Variants in MYO5A observed in about 807,000 individuals in gnomAD.
MYO5A encodes unconventional myosin-Va.
In MYO5A, 98 loss-of-function variants were observed where a neutral mutation model predicts 249.7. The observed-to-expected ratio is 0.39, with a 90% CI of 0.33 to 0.46. The LOEUF is 0.46. MYO5A is among the 20% of genes least tolerant of loss of function. The pLI, the probability that MYO5A is intolerant of heterozygous loss-of-function variation, is 0.98. For synonymous variants in MYO5A, 778 were observed against 810.6 expected, an observed-to-expected ratio of 0.96 and a Z score of 0.68; for missense variants, 1,696 against 2,308.8, an observed-to-expected ratio of 0.73 and a Z score of 5.44.
chr15:52,413,965 C>T (rs1043733921), intron 5 of MYO5A, among the ~76,000 whole-genome samples: 8 of 152,134 alleles, frequency 5.3e-5, no homozygotes, highest in Non-Finnish European at 1.0e-4. Flanking sequence ...TTGGATATAA[C>T]GTGTCCCCAC....
intron 1 of MYO5A, among the ~76,000 whole-genome samples, chr15:52,437,199 AC>A (rs1436950154): frequency 6.6e-6 from 1 of 152,222 alleles, no homozygotes; most frequent in East Asian, 1.9e-4. Flanking sequence ...ATTTCTATGT[AC>A]TAACTGCTCC....
intron 25 of MYO5A, 143 bp downstream of exon 25, chr15:52,359,825 T>C (rs1367576180): frequency 1.5e-6 from 1 of 676,576 alleles, no homozygotes; most frequent in Non-Finnish European, 2.7e-6. Flanking sequence ...TAAGTTTGTA[T>C]CTACAAGTCA....
chr15:52,392,053 C>T lies in MYO5A; in HGVS notation c.1419G>A (p.Glu473=), dbSNP rs1434730546. ...TTTGTTCCTTCATATATTCTTCTTGCTCCAATTTGAAGACATGCTGAAATG... is the reference window on the plus strand; with the variant it reads ...TTTGTTCCTTCATATATTCTTCTTGTTCCAATTTGAAGACATGCTGAAATG... ...QQFNMHVFKL[E]QEEYMKEQIP... The change falls in exon 12 of 42, where the codon GAG becomes GAA. Residue 473 remains glutamate, a synonymous_variant. Transcript: ENST00000399233. 6.2e-7 allele frequency: 1 copy of T among 1,611,328 alleles called. No homozygotes were observed. The highest frequency in any genetic ancestry group is 1.7e-5 in the Admixed American group (1 of 59,982).
At position 52,383,137 on chromosome 15, in the gene MYO5A, G is replaced by A. The variant is rs369831881; in HGVS notation, c.1966C>T (p.His656Tyr). The A allele has an allele frequency of 2.8e-5, 45 of 1,613,978 alleles. No homozygotes were observed. Among genetic ancestry groups the A allele is most frequent in the Non-Finnish European group, 3.4e-5 (40 of 1,179,956 alleles). ...TTAGGCTTGATACAGCGCACATAGT[G>A]AGGGGTAGTGGCATTGAGTGTCTCC... is the stretch of plus-strand genomic sequence containing the variant. ...LMETLNATTP[H>Y]YVRCIKPNDF... The change falls in exon 16 of 42, where the codon CAC (histidine) becomes TAC (tyrosine). Residue 656 changes from histidine (H) to tyrosine (Y), a missense_variant. Physicochemically the swap from His to Tyr is moderately conservative, Grantham distance 83. Coordinates refer to ENST00000399233, the MANE Select transcript of MYO5A (RefSeq NM_001382347.1).
At position 52,458,117 on chromosome 15, in the gene MYO5A, T is replaced by C. The variant is rs183861368; in HGVS notation, c.28-24832A>G. Among the ~76,000 whole-genome samples the C allele has an allele frequency of 2.3e-3, 351 of 152,256 alleles. 1 individual carries two copies. Among genetic ancestry groups the C allele is most frequent in the African/African-American group, 8.2e-3 (342 of 41,536 alleles). ...GAGGCTAGAAGGGTGTATGTGGCAG[T>C]AGAGGGATAAAGAGAGGTTAGTTAA... On this transcript the variant is annotated intron_variant, in intron 1 of 41. Transcript: ENST00000399233.
intron 23 of MYO5A, among the ~76,000 whole-genome samples, chr15:52,366,445 T>G (rs2040810236): frequency 6.6e-6 from 1 of 151,966 alleles, no homozygotes; most frequent in Non-Finnish European, 1.5e-5. Context: ...TGTATAGATC[T>G]GTATCTTCTT....
At chr15:52,324,829 G>GA (rs1394515096) in intron 36 of MYO5A, among the ~76,000 whole-genome samples, 1 of 151,314 alleles carries the variant, frequency 6.6e-6, no homozygotes. Context: ...AAGACTTTAA[G>GA]AAAAAAAATC....
chr15:52,498,057 A>G (rs2077078227), intron 1 of MYO5A, among the ~76,000 whole-genome samples: 1 of 152,114 alleles, frequency 6.6e-6, no homozygotes, highest in African/African-American at 2.4e-5. Flanking sequence ...AAGAATAGCA[A>G]ATTAAACTCA....
At chr15:52,481,901 T>C (rs1045142284) in intron 1 of MYO5A, among the ~76,000 whole-genome samples, 1 of 152,246 alleles carries the variant, frequency 6.6e-6, no homozygotes, top group Non-Finnish European at 1.5e-5. Flanking sequence ...TGGTTATGCA[T>C]GTTGGACAAA....
rs1567017305 is a variant in MYO5A, at chr15:52,321,349, C to T, written c.4951+10G>A. ...GCAGGCTGCAATGCCCAGTGGGGCCCTGGCCTTACCAATCATTGGCTGAAG... is the reference window on the plus strand; with the variant it reads ...GCAGGCTGCAATGCCCAGTGGGGCCTTGGCCTTACCAATCATTGGCTGAAG... On this transcript the variant is annotated intron_variant, in intron 38 of 41. Coordinates refer to ENST00000399233, the MANE Select transcript of MYO5A (RefSeq NM_001382347.1). 6.2e-7 allele frequency: 1 copy of T among 1,614,136 alleles called. No individual in the cohort carries two copies. Among genetic ancestry groups the T allele is most frequent in the Non-Finnish European group, 8.5e-7 (1 of 1,180,032 alleles).
At chr15:52,513,506 C>G (rs1280063350) in intron 1 of MYO5A, among the ~76,000 whole-genome samples, 1 of 149,976 alleles carries the variant, frequency 6.7e-6, no homozygotes, top group Non-Finnish European at 1.5e-5. Flanking sequence ...CTCACTGCAA[C>G]CTCTACCTCC....
At chr15:52,498,485 A>AT (rs2077087225) in intron 1 of MYO5A, among the ~76,000 whole-genome samples, 1 of 152,158 alleles carries the variant, frequency 6.6e-6, no homozygotes, top group Admixed American at 6.5e-5. Context: ...AATAAGTGTG[A>AT]TTTTAAAAAA....
chr15:52,340,410 A>C lies in MYO5A; in HGVS notation c.4041-16T>G, dbSNP rs370414482. 1.9e-6 allele frequency: 3 copies of C among 1,609,304 alleles called. No homozygotes were observed. Among genetic ancestry groups the C allele is most frequent in the African/African-American group, 2.7e-5 (2 of 74,902 alleles). On this transcript the variant is annotated splice_polypyrimidine_tract_variant and intron_variant, in intron 31 of 41. Transcript: ENST00000399233. ...TTCCAGGAGCCTGCGGAGAGGACAC[A>C]TGGGTCGGAAGGGGAGACGACACCC...
At chr15:52,505,152 A>G in intron 1 of MYO5A, 2 of 722,064 alleles carry the variant, frequency 2.8e-6, no homozygotes, top group Non-Finnish European at 5.1e-6. Context: ...AGGGCCCTCA[A>G]TTCGTACATG....
intron 1 of MYO5A, among the ~76,000 whole-genome samples, chr15:52,518,051 C>G (rs975324198): frequency 7.2e-5 from 11 of 152,006 alleles, no homozygotes; most frequent in African/African-American, 2.7e-4. Flanking sequence ...CCTACTTGTT[C>G]TTACCCTAAG....
At chr15:52,443,508 C>T (rs1194300407) in intron 1 of MYO5A, among the ~76,000 whole-genome samples, 3 of 150,534 alleles carry the variant, frequency 2.0e-5, no homozygotes, top group Non-Finnish European at 4.4e-5. Flanking sequence ...GTTAGGAGTT[C>T]GAGACCAGCC....
intron 8 of MYO5A, among the ~76,000 whole-genome samples, chr15:52,406,097 T>C (rs2042993350): frequency 6.6e-6 from 1 of 152,206 alleles, no homozygotes; most frequent in Non-Finnish European, 1.5e-5. Flanking sequence ...TTTCAGCTTT[T>C]ATCAGATCTG....
chr15:52,351,136 C>T, intron 28 of MYO5A, 118 bp downstream of exon 28: 1 of 829,678 alleles, frequency 1.2e-6, no homozygotes, highest in Non-Finnish European at 2.0e-6. Flanking sequence ...AATAATGAAT[C>T]CTCAATTAGA....
At chr15:52,528,642 G>A (rs904683832) in intron 1 of MYO5A, 138 bp downstream of exon 1, 7 of 1,005,906 alleles carry the variant, frequency 7.0e-6, no homozygotes, top group African/African-American at 1.7e-5. Context: ...TGGTAGGGCC[G>A]AGGGTTCTGA....
Sources: allele counts gnomAD v4.1 joint callset (sites outside exome capture counted in the v4.1 genomes callset), GRCh38; gene constraint gnomAD v4.1.1; transcripts MANE v1.5; gene names NCBI Gene and HGNC (gene_info 2026-07-23, HGNC 2026-07-21).